Variants in SIMC1 observed in about 807,000 individuals in gnomAD.
SIMC1 encodes SUMO-interacting motif-containing protein 1.
SIMC1 carries 55 observed loss-of-function variants against 82.3 expected under a neutral mutation model. The ratio of observed to expected loss-of-function variants is 0.67; its 90% CI spans 0.54 to 0.84. SIMC1 has a LOEUF of 0.84. SIMC1 is among the 40% of genes least tolerant of loss of function. The probability of loss-of-function intolerance (pLI) is 0.00; values close to 1 mark genes in which losing one functional copy is unlikely to be tolerated. For missense variants in SIMC1, 915 were observed against 1,107.2 expected (o/e 0.83, Z 2.46); for synonymous variants, 353 against 426.3 (o/e 0.83, Z 2.12).
intron 7 of SIMC1, among the ~76,000 whole-genome samples, chr5:176,333,309 TAAAAAG>T (rs1020033680): frequency 6.6e-6 from 1 of 151,744 alleles, no homozygotes; most frequent in African/African-American, 2.4e-5. Context: ...ATCTCAAACA[TAAAAAG>T]AAAAAGAAAA....
At position 176,283,885 on chromosome 5, in the gene SIMC1, AT is replaced by A. The variant is rs551853135; in HGVS notation, c.130-5768del. Among the ~76,000 whole-genome samples, 293 of 152,370 alleles carry A rather than the reference AT, an allele frequency of 1.9e-3. 4 individuals are homozygous for A. Among genetic ancestry groups the A allele is most frequent in the African/African-American group, 6.6e-3 (273 of 41,582 alleles). The stretch of plus-strand genomic sequence containing the variant: ...GCAGGGGTTGCAATCCTAGTCTCTG[AT>A]AAAACAGACTTTAAAGCAACAAAGA... On this transcript the variant is annotated intron_variant, in intron 1 of 9. Coordinates refer to ENST00000429602, the MANE Select transcript of SIMC1 (RefSeq NM_001308195.2).
chr5:176,321,713 A>T (rs534002484), intron 5 of SIMC1, among the ~76,000 whole-genome samples: 1 of 152,254 alleles, frequency 6.6e-6, no homozygotes, highest in East Asian at 1.9e-4. Context: ...AGTTGTTAAC[A>T]TTAATAGGTG....
rs923224427 is a variant in SIMC1 at position 176,242,133 on chromosome 5, G to A, written c.129+3496G>A. Among the ~76,000 whole-genome samples the A allele has an allele frequency of 1.5e-4, 23 of 151,996 alleles. 1 individual carries two copies. Among genetic ancestry groups the A allele is most frequent in the Admixed American group, 4.6e-4 (7 of 15,266 alleles). On this transcript the variant is annotated intron_variant, in intron 1 of 9. Coordinates refer to ENST00000429602, the MANE Select transcript of SIMC1 (RefSeq NM_001308195.2). ...TAGTGCAGAAATTGATTAGTGTCAC[G>A]TGGCGTTTTAAGTGGATCCTCACAA...
intron 1 of SIMC1, among the ~76,000 whole-genome samples, chr5:176,246,243 C>G (rs1172447906): frequency 6.6e-6 from 1 of 151,950 alleles, no homozygotes; most frequent in African/African-American, 2.4e-5. Flanking sequence ...AACTGCTGAC[C>G]TTGTGATCCA....
chr5:176,261,932 T>C (rs546346363), intron 1 of SIMC1, among the ~76,000 whole-genome samples: 12 of 152,180 alleles, frequency 7.9e-5, no homozygotes, highest in African/African-American at 2.6e-4. Flanking sequence ...CAACAATCTT[T>C]CAGAGAATAG....
chr5:176,321,384 A>G (rs1453208723), intron 5 of SIMC1, among the ~76,000 whole-genome samples: 1 of 151,754 alleles, frequency 6.6e-6, no homozygotes, highest in African/African-American at 2.4e-5. Flanking sequence ...CGGAGCTTGC[A>G]GTGAGCCGAG....
chr5:176,285,121 T>G (rs1251260698), intron 1 of SIMC1, among the ~76,000 whole-genome samples: 2 of 152,196 alleles, frequency 1.3e-5, no homozygotes, highest in African/African-American at 4.8e-5. Context: ...GAGGGAATCC[T>G]CCCTAACTCA....
At chr5:176,341,383 T>A (rs944406947) in intron 9 of SIMC1, among the ~76,000 whole-genome samples, 1 of 152,242 alleles carries the variant, frequency 6.6e-6, no homozygotes, top group African/African-American at 2.4e-5. Context: ...ATCTTGGCCA[T>A]GCTAAGGAAA....
intron 1 of SIMC1, among the ~76,000 whole-genome samples, chr5:176,275,191 C>T (rs1187286711): frequency 6.6e-6 from 1 of 151,624 alleles, no homozygotes; most frequent in Non-Finnish European, 1.5e-5. Context: ...AGGTCCTTCA[C>T]GTCCCTTGTA....
chr5:176,312,054 A>T (rs1764686061), intron 4 of SIMC1, among the ~76,000 whole-genome samples: 1 of 152,208 alleles, frequency 6.6e-6, no homozygotes, highest in Non-Finnish European at 1.5e-5. Flanking sequence ...GTAAATTCTT[A>T]TCTAGCATAG....
At chr5:176,308,049 T>G in intron 4 of SIMC1, 1 of 704,284 alleles carries the variant, frequency 1.4e-6, no homozygotes. Flanking sequence ...TTAAAAGCAA[T>G]GAGCTGGGCC....
chr5:176,280,891 A>G (rs1486323725), intron 1 of SIMC1, among the ~76,000 whole-genome samples: 3 of 152,132 alleles, frequency 2.0e-5, no homozygotes, highest in Non-Finnish European at 2.9e-5. Context: ...ACTTTGGTGA[A>G]TCTGACAATT....
intron 1 of SIMC1, among the ~76,000 whole-genome samples, chr5:176,253,901 C>G (rs1011159201): frequency 6.6e-6 from 1 of 152,088 alleles, no homozygotes; most frequent in African/African-American, 2.4e-5. Context: ...TTCAATTAAA[C>G]CTTTGAATCA....
At chr5:176,245,971 T>C (rs1457705693) in intron 1 of SIMC1, among the ~76,000 whole-genome samples, 2 of 152,004 alleles carry the variant, frequency 1.3e-5, no homozygotes, top group East Asian at 3.9e-4. Flanking sequence ...TTGTGCATAA[T>C]AATCCTCCCT....
chr5:176,329,518 T>A (rs1437338271), intron 7 of SIMC1, among the ~76,000 whole-genome samples: 14 of 117,690 alleles, frequency 1.2e-4, no homozygotes, highest in Non-Finnish European at 1.8e-4. Flanking sequence ...AAAAAAAAAA[T>A]GTATAGCTAT....
At position 176,309,371 on chromosome 5, in the gene SIMC1, A is replaced by T. The variant is rs12514406; in HGVS notation, c.1735-4320A>T. Among the ~76,000 whole-genome samples, 334 of 152,356 alleles carry T rather than the reference A, an allele frequency of 2.2e-3. 4 individuals carry two copies. Among genetic ancestry groups the T allele is most frequent in the African/African-American group, 7.1e-3 (294 of 41,584 alleles). ...AAACCTCACATCTTATATAAAATTT[A>T]ATTCAAAATGTATAATGGACTTAAA... On this transcript the variant is annotated intron_variant, in intron 4 of 9. Transcript: ENST00000429602.
intron 6 of SIMC1, among the ~76,000 whole-genome samples, chr5:176,323,426 TAAC>T (rs1299652721): frequency 2.6e-5 from 4 of 152,248 alleles, no homozygotes; most frequent in Non-Finnish European, 2.9e-5. Flanking sequence ...GTTATGATCT[TAAC>T]AACAATAGTA....
intron 1 of SIMC1, among the ~76,000 whole-genome samples, chr5:176,279,194 G>A (rs553351108): frequency 7.9e-5 from 12 of 152,012 alleles, no homozygotes; most frequent in East Asian, 1.9e-4. Context: ...TGTATGTGTC[G>A]AGGAATTTAT....
intron 1 of SIMC1, chr5:176,270,082 A>G (rs1762360441): frequency 6.6e-6 from 1 of 151,618 alleles, no homozygotes; most frequent in Non-Finnish European, 1.5e-5. Context: ...TCTTAACAAA[A>G]TATCGATTCA....
Sources: allele counts gnomAD v4.1 joint callset (sites outside exome capture counted in the v4.1 genomes callset), GRCh38; gene constraint gnomAD v4.1.1; transcripts MANE v1.5; gene names NCBI Gene and HGNC (gene_info 2026-07-23, HGNC 2026-07-21).